RYR2: variants seen among roughly 807,000 people sequenced by gnomAD.
RYR2 encodes cardiac muscle ryanodine receptor-calcium release channel.
In RYR2, 227 loss-of-function variants were observed where a neutral mutation model predicts 601.1. The observed-to-expected ratio is 0.38, with a 90% CI of 0.34 to 0.42. The LOEUF is 0.42. Ranked by LOEUF, RYR2 falls within the 10% of genes least tolerant of loss-of-function variation. RYR2 has a pLI of 1.00. For missense variants in RYR2, 4,646 were observed against 6,156.5 expected (o/e 0.75, Z 8.21); for synonymous variants, 2,223 against 2,175.1 (o/e 1.02, Z -0.61).
Position 237,649,826 on chromosome 1 carries a change from A to G in RYR2, c.7513-51A>G, listed in dbSNP as rs625006. ...TGTCCCCATGTTAATCCCTTTGAAG[A>G]TTATCTACTGCCAAACACAAATGGC... is the stretch of plus-strand genomic sequence containing the variant. On this transcript the variant is annotated intron_variant, in intron 49 of 104. Transcript: ENST00000366574. 719,307 of 1,522,030 alleles carry G rather than the reference A, an allele frequency of 0.47. 174,789 individuals carry two copies. Among genetic ancestry groups the G allele is most frequent in the East Asian group, 0.83 (36,593 of 44,286 alleles). The allele number at this position is 1,522,030 out of a possible 1,614,324, so 94.3% of individuals were successfully genotyped here. A position where few individuals can be genotyped will look rare whatever the true frequency, so the allele number is the denominator to read the frequency against.
intron 27 of RYR2, among the ~76,000 whole-genome samples, chr1:237,558,882 C>T (rs1671173024): frequency 6.6e-6 from 1 of 152,200 alleles, no homozygotes; most frequent in Non-Finnish European, 1.5e-5. Flanking sequence ...TTGTTGAGCC[C>T]TCTGATGTAT....
At chr1:237,109,371 A>G (rs1374594558) in intron 1 of RYR2, among the ~76,000 whole-genome samples, 3 of 151,966 alleles carry the variant, frequency 2.0e-5, no homozygotes, top group African/African-American at 7.2e-5. Flanking sequence ...GGCAAAGAAT[A>G]TGCAGTTAAA....
In RYR2 at chr1:237,469,189, T is replaced by G. The variant is rs375527472; in HGVS notation, c.1708+2T>G. ...TGGAAAGACTGGAAGCTTCTTCAGG[T>G]ATGTTTTCTAGTTTTTTCCTTGTTG... On this transcript the variant is annotated splice_donor_variant, in intron 17 of 104. Coordinates refer to ENST00000366574, the MANE Select transcript of RYR2 (RefSeq NM_001035.3). LOFTEE classifies it high-confidence loss of function. The G allele has an allele frequency of 6.3e-7, 1 of 1,599,832 alleles. No individual in the cohort carries two copies. Among genetic ancestry groups the G allele is most frequent in the Non-Finnish European group, 8.5e-7 (1 of 1,172,604 alleles).
Position 237,694,042 on chromosome 1 carries a change from C to A in RYR2, c.9068-4923C>A, listed in dbSNP as rs1354004645. Among the ~76,000 whole-genome samples, 3 of 152,134 alleles carry A rather than the reference C, an allele frequency of 2.0e-5. No individual in the cohort carries two copies. The South Asian group carries it at 6.2e-4, about 31-fold the overall frequency. Reference sequence around the variant, plus strand: ...GGGTGCGGTGGCTCACGCCTGTAATCCCAGCACTCTGGGAGGCTGAGGCGG... The same window carrying A: ...GGGTGCGGTGGCTCACGCCTGTAATACCAGCACTCTGGGAGGCTGAGGCGG... On this transcript the variant is annotated intron_variant, in intron 63 of 104. Transcript: ENST00000366574.
intron 2 of RYR2, among the ~76,000 whole-genome samples, chr1:237,273,161 T>C (rs1219926418): frequency 6.6e-6 from 1 of 152,086 alleles, no homozygotes; most frequent in Non-Finnish European, 1.5e-5. Flanking sequence ...TTCCTGCTAC[T>C]AGATGGCTAT....
intron 79 of RYR2, among the ~76,000 whole-genome samples, chr1:237,735,547 A>G (rs953564669): frequency 6.6e-6 from 1 of 152,158 alleles, no homozygotes; most frequent in African/African-American, 2.4e-5. Flanking sequence ...GGGAAAAGCC[A>G]TGGCTTTCTA....
intron 1 of RYR2, among the ~76,000 whole-genome samples, chr1:237,242,010 C>G (rs543962151): frequency 6.6e-6 from 1 of 152,064 alleles, no homozygotes; most frequent in African/African-American, 2.4e-5. Flanking sequence ...CTAGTCCTAC[C>G]TCAATAAATA....
At chr1:237,793,756 T>C (rs1658741523) in intron 94 of RYR2, 111 bp from the exon 95 acceptor site, 1 of 810,930 alleles carries the variant, frequency 1.2e-6, no homozygotes, top group Admixed American at 2.7e-5. Context: ...TTTACCTTCC[T>C]AGAAGTACAC....
intron 1 of RYR2, among the ~76,000 whole-genome samples, chr1:237,155,319 G>A (rs1447830237): frequency 6.6e-6 from 1 of 151,620 alleles, no homozygotes; most frequent in Non-Finnish European, 1.5e-5. Context: ...GGGACTACAG[G>A]CGCCCACCAC....
At chr1:237,640,782 A>T (rs1681381897) in intron 46 of RYR2, 115 bp from the exon 47 acceptor site, 1 of 794,424 alleles carries the variant, frequency 1.3e-6, no homozygotes, top group Non-Finnish European at 2.1e-6. Flanking sequence ...TATATGAAAC[A>T]TATCAGAAAA....
intron 8 of RYR2, among the ~76,000 whole-genome samples, chr1:237,383,676 G>C (rs1263631509): frequency 1.3e-5 from 2 of 151,902 alleles, no homozygotes; most frequent in African/African-American, 4.8e-5. Flanking sequence ...TGATCTGCCC[G>C]CCTTGGCCTC....
chr1:237,697,598 ATT>A (rs199830480), intron 63 of RYR2, among the ~76,000 whole-genome samples: 5 of 136,040 alleles, frequency 3.7e-5, no homozygotes, highest in Admixed American at 7.7e-5. Flanking sequence ...TTGCTAAATG[ATT>A]TTTTTTTTTT....
Position 237,793,846 on chromosome 1 carries a change from G to A in RYR2, c.13783-21G>A, listed in dbSNP as rs790902. ...CCAGTAAATCTAAACTAATTTTAACGTATTTATTTTTCCTATGTAGGTCCC... is the reference window on the plus strand; with the variant it reads ...CCAGTAAATCTAAACTAATTTTAACATATTTATTTTTCCTATGTAGGTCCC... On this transcript the variant is annotated intron_variant, in intron 94 of 104. Coordinates refer to ENST00000366574, the MANE Select transcript of RYR2 (RefSeq NM_001035.3). 1,045,248 of 1,557,336 alleles carry A rather than the reference G, an allele frequency of 0.67. 356,004 individuals carry two copies. Among genetic ancestry groups the A allele is most frequent in the East Asian group, 0.94 (41,437 of 44,254 alleles).
At chr1:237,746,236 CTACT>C (rs982115356) in intron 80 of RYR2, among the ~76,000 whole-genome samples, 18 of 152,060 alleles carry the variant, frequency 1.2e-4, no homozygotes, top group Non-Finnish European at 1.9e-4. Context: ...ATATGAAAGG[CTACT>C]TGTCAGTTTC....
At chr1:237,043,467 C>A (rs530657522) in intron 1 of RYR2, among the ~76,000 whole-genome samples, 1 of 152,270 alleles carries the variant, frequency 6.6e-6, no homozygotes, top group Admixed American at 6.5e-5. Flanking sequence ...TCCTTAAGTA[C>A]CTCTTGGCAC....
chr1:237,065,269 C>CTTTTTTTT (rs766039441), intron 1 of RYR2, among the ~76,000 whole-genome samples: 2 of 77,492 alleles, frequency 2.6e-5, no homozygotes, highest in African/African-American at 5.2e-5. Context: ...GTGTGCTATC[C>CTTTTTTTT]TTTTTTTTTT....
At chr1:237,322,356 G>C (rs774857207) in intron 2 of RYR2, among the ~76,000 whole-genome samples, 1 of 152,118 alleles carries the variant, frequency 6.6e-6, no homozygotes, top group Non-Finnish European at 1.5e-5. Flanking sequence ...TGAAACTCTA[G>C]ACAAGTCGGA....
chr1:237,474,261 A>G (rs1477175735), intron 17 of RYR2, among the ~76,000 whole-genome samples: 2 of 118,344 alleles, frequency 1.7e-5, no homozygotes, highest in Non-Finnish European at 3.9e-5. Context: ...ACATATGTAT[A>G]GATACCTACA....
rs1031791420 is a variant in RYR2, at chr1:237,820,211, G to C, written c.14590+1019G>C. ...TCAAAAAAAAAAAAAAAAAAAAGGT[G>C]GGGGAGGGAGGGTAGCTGGCAAGAT... On this transcript the variant is annotated intron_variant, in intron 101 of 104. Transcript: ENST00000366574. Among the ~76,000 whole-genome samples the C allele has an allele frequency of 2.6e-5, 4 of 151,452 alleles. No individual in the cohort carries two copies. The South Asian group carries it at 6.3e-4, about 24-fold the overall frequency.
Sources: allele counts gnomAD v4.1 joint callset (sites outside exome capture counted in the v4.1 genomes callset), GRCh38; gene constraint gnomAD v4.1.1; transcripts MANE v1.5; gene names NCBI Gene and HGNC (gene_info 2026-07-23, HGNC 2026-07-21).